Variants in ATP1B3 observed in about 807,000 individuals in gnomAD.
The protein encoded by ATP1B3 is sodium/potassium-transporting ATPase subunit beta-3.
Under a neutral mutation model 30.2 loss-of-function variants are expected in ATP1B3, and 10 were observed. The observed-to-expected ratio is 0.33, with a 90% confidence interval of 0.20 to 0.56. The LOEUF is 0.56. Ranked by LOEUF, ATP1B3 falls within the 20% of genes least tolerant of loss-of-function variation. ATP1B3 has a pLI of 0.90. For synonymous variants in ATP1B3, 113 were observed against 117.0 expected (o/e 0.97, Z 0.22); for missense variants, 238 against 336.7 (o/e 0.71, Z 2.29).
At chr3:141,903,510 C>T in intron 1 of ATP1B3, 110 bp from the exon 2 acceptor site, 1 of 1,486,440 alleles carries the variant, frequency 6.7e-7, no homozygotes, top group Admixed American at 2.0e-5. Flanking sequence ...CATGGCAAAG[C>T]TTGGGATCGT....
At chr3:141,904,703 C>CTTTTTT (rs35178202) in intron 2 of ATP1B3, among the ~76,000 whole-genome samples, 2,206 of 89,276 alleles carry the variant, frequency 0.025, 110 homozygotes, top group Non-Finnish European at 0.036. Flanking sequence ...TTTAAACAGT[C>CTTTTTT]TTTTTTTTTT....
Position 141,924,086 on chromosome 3 carries a change from G to A in ATP1B3, c.670-1445G>A, listed in dbSNP as rs574601835. Reference sequence around the variant, plus strand: ...CTGCCTGGCACGGTGGCTCACGCCTGTAATCCCAGCACTTTGGGAGGCTGA... The same window carrying A: ...CTGCCTGGCACGGTGGCTCACGCCTATAATCCCAGCACTTTGGGAGGCTGA... On this transcript the variant is annotated intron_variant, in intron 6 of 6. Coordinates refer to ENST00000286371, the MANE Select transcript of ATP1B3 (RefSeq NM_001679.4). Among the ~76,000 whole-genome samples the A allele has an allele frequency of 2.8e-3, 427 of 152,362 alleles. 2 individuals are homozygous for A. The highest frequency in any genetic ancestry group is 5.0e-3 in the Non-Finnish European group (341 of 68,046).
chr3:141,881,058 C>T (rs1933713948), intron 1 of ATP1B3, among the ~76,000 whole-genome samples: 1 of 152,056 alleles, frequency 6.6e-6, no homozygotes, highest in Non-Finnish European at 1.5e-5. Context: ...CAAAAATTAG[C>T]CCGGCATGGT....
At chr3:141,892,399 C>T (rs1001397026) in intron 1 of ATP1B3, among the ~76,000 whole-genome samples, 1 of 152,098 alleles carries the variant, frequency 6.6e-6, no homozygotes, top group Non-Finnish European at 1.5e-5. Context: ...TCTTCTATAA[C>T]AGCATTAAGT....
At chr3:141,923,437 C>T (rs1265223057) in intron 6 of ATP1B3, among the ~76,000 whole-genome samples, 1 of 152,180 alleles carries the variant, frequency 6.6e-6, no homozygotes, top group Non-Finnish European at 1.5e-5. Flanking sequence ...TTGAAAGTAC[C>T]CAGCAGCAAA....
chr3:141,915,034 A>G (rs1341251889), intron 4 of ATP1B3, among the ~76,000 whole-genome samples: 2 of 152,280 alleles, frequency 1.3e-5, no homozygotes, highest in Admixed American at 1.3e-4. Flanking sequence ...TTGTTTTAAC[A>G]GAGATGCCTT....
chr3:141,884,899 C>T (rs1933799645), intron 1 of ATP1B3, among the ~76,000 whole-genome samples: 1 of 152,206 alleles, frequency 6.6e-6, no homozygotes, highest in Admixed American at 6.5e-5. Context: ...CATATAACAA[C>T]TGCAAAGATC....
chr3:141,879,635 C>T (rs1262759156), intron 1 of ATP1B3, among the ~76,000 whole-genome samples: 1 of 151,288 alleles, frequency 6.6e-6, no homozygotes, highest in Non-Finnish European at 1.5e-5. Context: ...AAAAATTAGC[C>T]GGGTGTGGTG....
At position 141,887,998 on chromosome 3, in the gene ATP1B3, T is replaced by G. The variant is rs72986333; in HGVS notation, c.109+11088T>G. Among the ~76,000 whole-genome samples, 574 of 152,340 alleles carry G rather than the reference T, an allele frequency of 3.8e-3. 3 individuals carry two copies. Among genetic ancestry groups the G allele is most frequent in the African/African-American group, 0.013 (556 of 41,586 alleles). On this transcript the variant is annotated intron_variant, in intron 1 of 6. Coordinates refer to ENST00000286371, the MANE Select transcript of ATP1B3 (RefSeq NM_001679.4). ...AATAGGGCTTTGGATCATAAGTGAA[T>G]GCATTTGTCAAAACTCATTAAGTGG...
chr3:141,879,410 A>G (rs961322640), intron 1 of ATP1B3, among the ~76,000 whole-genome samples: 3 of 152,082 alleles, frequency 2.0e-5, no homozygotes, highest in Non-Finnish European at 4.4e-5. Flanking sequence ...TCCCAACGGT[A>G]TGTAGTGGTG....
At position 141,925,455 on chromosome 3, in the gene ATP1B3, A is replaced by G. The variant is rs1253665826; in HGVS notation, c.670-76A>G. 5.0e-5 allele frequency: 74 copies of G among 1,484,864 alleles called. No individual in the cohort carries two copies. In the South Asian group the frequency reaches 6.5e-4, roughly 13 times the overall value. The allele number at this position is 1,484,864 out of a possible 1,614,324, so 92.0% of individuals were successfully genotyped here. Reference sequence around the variant, plus strand: ...CAGTCTCAAAAAGAAAATTTACAGAATAAGCCAATTCCTGGTAGAGAGAAG... The same window carrying G: ...CAGTCTCAAAAAGAAAATTTACAGAGTAAGCCAATTCCTGGTAGAGAGAAG... On this transcript the variant is annotated intron_variant, in intron 6 of 6. Coordinates refer to ENST00000286371, the MANE Select transcript of ATP1B3 (RefSeq NM_001679.4).
At chr3:141,879,778 C>CAAAAAAAAAAACA (rs1553743182) in intron 1 of ATP1B3, among the ~76,000 whole-genome samples, 47 of 57,632 alleles carry the variant, frequency 8.2e-4, no homozygotes, top group African/African-American at 4.2e-3. Flanking sequence ...GTCTCCATCT[C>CAAAAAAAAAAACA]AAAAAAAAAA....
chr3:141,922,747 C>T (rs1024122490), intron 6 of ATP1B3, among the ~76,000 whole-genome samples: 54 of 151,598 alleles, frequency 3.6e-4, no homozygotes, highest in African/African-American at 1.2e-3. Context: ...GGGCAGATCA[C>T]GAGGTCAGGA....
chr3:141,895,231 C>T (rs1204419923), intron 1 of ATP1B3, among the ~76,000 whole-genome samples: 9 of 149,866 alleles, frequency 6.0e-5, no homozygotes, highest in East Asian at 2.0e-4. Context: ...CCCTGTTGCC[C>T]GGGCTGGAGT....
intron 5 of ATP1B3, chr3:141,916,540 G>A: frequency 7.8e-7 from 1 of 1,287,514 alleles, no homozygotes; most frequent in Non-Finnish European, 1.0e-6. Flanking sequence ...TCTCCATGCT[G>A]CAAATGCCAC....
chr3:141,916,133 T>G (rs1252136886), intron 5 of ATP1B3, 113 bp downstream of exon 5: 2 of 849,970 alleles, frequency 2.4e-6, no homozygotes, highest in Admixed American at 2.5e-5. Flanking sequence ...TAAAGTCCTT[T>G]GTAGTGCCTT....
chr3:141,894,192 G>T (rs1275839579), intron 1 of ATP1B3, among the ~76,000 whole-genome samples: 1 of 152,216 alleles, frequency 6.6e-6, no homozygotes, highest in Non-Finnish European at 1.5e-5. Context: ...AGTGAGTGGT[G>T]AGTGAATGTG....
At chr3:141,880,105 A>G (rs1218749813) in intron 1 of ATP1B3, among the ~76,000 whole-genome samples, 1 of 152,044 alleles carries the variant, frequency 6.6e-6, no homozygotes, top group Admixed American at 6.6e-5. Context: ...ATTTTGATCT[A>G]AGGTTCCTCT....
Position 141,916,564 on chromosome 3 carries a change from G to A in ATP1B3, c.582+544G>A, listed in dbSNP as rs535037503. 3.6e-5 allele frequency: 47 copies of A among 1,287,908 alleles called. No homozygotes were observed. The South Asian group carries it at 5.2e-4, about 14-fold the overall frequency. 79.8% of individuals were successfully genotyped at this position (1,287,908 alleles called of 1,614,324 possible). ...TGCAAATGCCACTAAGACAAATAAT[G>A]TAAAAGATGGGTAAGAGTTCTGAGG... On this transcript the variant is annotated intron_variant, in intron 5 of 6. Coordinates refer to ENST00000286371, the MANE Select transcript of ATP1B3 (RefSeq NM_001679.4).
Sources: gnomAD v4.1 joint callset for allele counts (sites outside exome capture counted in the v4.1 genomes callset) on GRCh38, gnomAD v4.1.1 for gene constraint, MANE v1.5 for transcripts, NCBI Gene and HGNC (gene_info 2026-07-23, HGNC 2026-07-21) for gene names.